The following GOSR2 variants were observed in gnomAD, a reference collection of about 807,000 sequenced individuals.
GOSR2 encodes golgi SNAP receptor complex member 2, also known as 27 kDa Golgi SNARE protein.
A neutral mutation model predicts 27.9 loss-of-function variants in GOSR2; 20 were observed. The ratio of observed to expected loss-of-function variants is 0.72; its 90% CI spans 0.50 to 1.04. The LOEUF (loss-of-function observed/expected upper bound fraction) is 1.04. Among genes scored for constraint, GOSR2 ranks in the 50% least tolerant of loss-of-function variants. The pLI, the probability that GOSR2 is intolerant of heterozygous loss-of-function variation, is 0.00. For synonymous variants in GOSR2, 91 were observed against 98.8 expected (o/e 0.92, Z 0.47); for missense variants, 261 against 270.5 (o/e 0.97, Z 0.25).
intron 1 of GOSR2, chr17:46,923,859 A>G (rs1156499721): frequency 1.3e-5 from 5 of 398,338 alleles, no homozygotes; most frequent in Non-Finnish European, 2.2e-5. Context: ...AATTGCTGAG[A>G]TACGTAGTTG....
At chr17:46,928,650 C>T (rs1162524587) in intron 1 of GOSR2, among the ~76,000 whole-genome samples, 2 of 152,112 alleles carry the variant, frequency 1.3e-5, no homozygotes, top group Non-Finnish European at 1.5e-5. Flanking sequence ...TTGATATTGT[C>T]GGAGAAGGAT....
chr17:46,958,468 G>A (rs1161231179), intron 6 of GOSR2, among the ~76,000 whole-genome samples: 1 of 152,188 alleles, frequency 6.6e-6, no homozygotes, highest in African/African-American at 2.4e-5. Flanking sequence ...AGTGCTGACG[G>A]CAGGAAGCAA....
At chr17:46,942,641 G>A (rs1257061428), downstream of GOSR2, among the ~76,000 whole-genome samples, 5 of 152,250 alleles carry the variant, frequency 3.3e-5, no homozygotes, top group African/African-American at 4.8e-5. Context: ...TCCCTGTTGG[G>A]AAATAATTTC....
chr17:46,930,905 A>G (rs1401616735), intron 2 of GOSR2, 194 bp from the exon 3 acceptor site: 5 of 603,076 alleles, frequency 8.3e-6, no homozygotes, highest in Non-Finnish European at 1.5e-5. Flanking sequence ...AGCTATATAC[A>G]TGTACTTTTT....
intron 6 of GOSR2, among the ~76,000 whole-genome samples, chr17:46,959,340 G>C (rs1057512025): frequency 6.6e-6 from 1 of 152,150 alleles, no homozygotes. Context: ...ATCCAACCCC[G>C]TTCCCCACCC....
downstream of GOSR2, among the ~76,000 whole-genome samples, chr17:46,967,977 GT>G (rs1264387579): frequency 6.6e-6 from 1 of 152,150 alleles, no homozygotes; most frequent in East Asian, 1.9e-4. Context: ...GTCAGACAGG[GT>G]TTCCTGCTAG....
intron 6 of GOSR2, chr17:46,965,038 C>T (rs531125486): frequency 1.1e-4 from 16 of 152,172 alleles, no homozygotes; most frequent in Admixed American, 4.6e-4. Context: ...TTTCACCCTC[C>T]GGTAAGTACA....
intron 5 of GOSR2, chr17:46,936,735 A>T: frequency 1.0e-6 from 1 of 984,836 alleles, no homozygotes; most frequent in Non-Finnish European, 1.2e-6. Flanking sequence ...GTTCAGAGCC[A>T]AGCAGGACTT....
chr17:46,943,958 C>G (rs1237293370), downstream of GOSR2, among the ~76,000 whole-genome samples: 1 of 152,016 alleles, frequency 6.6e-6, no homozygotes, highest in African/African-American at 2.4e-5. Flanking sequence ...GTGACTAATG[C>G]AGGGTATCTA....
rs2089126495 is a variant in GOSR2 at position 46,940,538 on chromosome 17, G to C, written c.*1778G>C. Reference sequence around the variant, plus strand: ...TGGATTCTGAGACTGCGACGGCAAGGCTGTCCTGTCCCCCAGGCACCCAAG... The same window carrying C: ...TGGATTCTGAGACTGCGACGGCAAGCCTGTCCTGTCCCCCAGGCACCCAAG... On this transcript the variant is annotated 3_prime_UTR_variant, in exon 6 of 6. Coordinates refer to ENST00000640051, the MANE Select transcript of GOSR2 (RefSeq NM_004287.5). 1.2e-6 allele frequency: 2 copies of C among 1,614,088 alleles called. No homozygotes were observed. The highest frequency in any genetic ancestry group is 1.7e-6 in the Non-Finnish European group (2 of 1,179,992).
At chr17:46,966,784 G>T (rs2091336598) in exon 7 of GOSR2, 1 of 427,434 alleles carries the variant, frequency 2.3e-6, no homozygotes, top group East Asian at 3.5e-5. Context: ...TGCCTTGCAA[G>T]AATTATTTGA....
intron 6 of GOSR2, among the ~76,000 whole-genome samples, chr17:46,966,310 G>T (rs556725568): frequency 5.1e-4 from 78 of 152,270 alleles, no homozygotes; most frequent in African/African-American, 1.4e-3. Context: ...TTGAGACAGG[G>T]TCTTGCTGTG....
intron 6 of GOSR2, among the ~76,000 whole-genome samples, chr17:46,956,243 ACCCG>A (rs1487176768): frequency 7.3e-6 from 1 of 136,496 alleles, no homozygotes. Context: ...AGAAATCTCT[ACCCG>A]CCTAAGGCCA....
At chr17:46,928,969 G>T (rs934903652) in intron 1 of GOSR2, among the ~76,000 whole-genome samples, 1 of 152,040 alleles carries the variant, frequency 6.6e-6, no homozygotes, top group Admixed American at 6.5e-5. Context: ...CCCTCTTTCT[G>T]TTTGTTTATA....
chr17:46,938,530 G>A, intron 5 of GOSR2, 69 bp from the exon 6 acceptor site: 2 of 1,608,388 alleles, frequency 1.2e-6, no homozygotes, highest in Non-Finnish European at 1.7e-6. Flanking sequence ...TCCATCTCCT[G>A]ATGCCATTCA....
chr17:46,971,086 C>T (rs541814581), downstream of GOSR2, among the ~76,000 whole-genome samples: 2 of 152,108 alleles, frequency 1.3e-5, no homozygotes, highest in Non-Finnish European at 2.9e-5. Context: ...TGCGGTGGCT[C>T]ATGCCTGTAA....
chr17:46,927,571 T>C (rs2086671287), intron 1 of GOSR2, among the ~76,000 whole-genome samples: 1 of 152,242 alleles, frequency 6.6e-6, no homozygotes, highest in Non-Finnish European at 1.5e-5. Context: ...TTTTATGTGT[T>C]ACCTGAGGTG....
intron 1 of GOSR2, among the ~76,000 whole-genome samples, chr17:46,925,660 G>A (rs1043993185): frequency 2.6e-5 from 4 of 152,286 alleles, no homozygotes; most frequent in South Asian, 2.1e-4. Flanking sequence ...ATGAACTTTC[G>A]CAACTGCAGA....
At chr17:46,956,398 C>T (rs1003130411) in intron 6 of GOSR2, among the ~76,000 whole-genome samples, 1 of 150,140 alleles carries the variant, frequency 6.7e-6, no homozygotes, top group African/African-American at 2.5e-5. Context: ...TCAAGCGATT[C>T]TCCTGCCTCA....
Sources: gnomAD v4.1 joint callset for allele counts (sites outside exome capture counted in the v4.1 genomes callset) on GRCh38, gnomAD v4.1.1 for gene constraint, MANE v1.5 for transcripts, NCBI Gene and HGNC (gene_info 2026-07-23, HGNC 2026-07-21) for gene names.